Variants in MFHAS1 observed in about 807,000 individuals in gnomAD.
MFHAS1 encodes malignant fibrous histiocytoma-amplified sequence 1.
MFHAS1 carries 50 observed loss-of-function variants against 70.4 expected under a neutral mutation model. The ratio of observed to expected loss-of-function variants is 0.71; its 90% confidence interval spans 0.57 to 0.90. The LOEUF is 0.90. Among genes scored for constraint, MFHAS1 ranks in the 40% least tolerant of loss-of-function variants. The pLI is 0.00. For synonymous variants in MFHAS1, 952 were observed against 620.0 expected (o/e 1.54, Z -7.96); for missense variants, 1,795 against 1,347.6 (o/e 1.33, Z -5.20).
chr8:8,789,919 C>G (rs1805668500), intron 2 of MFHAS1, among the ~76,000 whole-genome samples: 1 of 152,102 alleles, frequency 6.6e-6, no homozygotes, highest in Non-Finnish European at 1.5e-5. Context: ...ACCTGCCTAC[C>G]CGGCCTTGCC....
chr8:8,870,944 G>A (rs1463258692), intron 1 of MFHAS1, among the ~76,000 whole-genome samples: 2 of 152,126 alleles, frequency 1.3e-5, no homozygotes, highest in African/African-American at 4.8e-5. Flanking sequence ...TTTGGTGACA[G>A]GAGCGTCACT....
intron 1 of MFHAS1, among the ~76,000 whole-genome samples, chr8:8,858,298 T>C (rs1485248869): frequency 6.6e-6 from 1 of 152,238 alleles, no homozygotes; most frequent in African/African-American, 2.4e-5. Flanking sequence ...ACATAAATTT[T>C]GCTTTTTTAA....
chr8:8,873,683 C>G (rs572583631), intron 1 of MFHAS1, among the ~76,000 whole-genome samples: 1 of 151,986 alleles, frequency 6.6e-6, no homozygotes, highest in African/African-American at 2.4e-5. Context: ...GTGTGGAACT[C>G]GAGAGGATGG....
intron 1 of MFHAS1, among the ~76,000 whole-genome samples, chr8:8,866,194 G>C (rs1338313043): frequency 6.6e-6 from 1 of 152,160 alleles, no homozygotes; most frequent in Admixed American, 6.5e-5. Flanking sequence ...AGTAAAATCA[G>C]TGTCATTTTG....
intron 1 of MFHAS1, among the ~76,000 whole-genome samples, chr8:8,877,316 A>AAAAAAAC (rs1809336391): frequency 6.6e-6 from 1 of 151,286 alleles, no homozygotes; most frequent in Non-Finnish European, 1.5e-5. Context: ...AAAAAAAAAA[A>AAAAAAAC]AAAACTACGG....
chr8:8,805,838 C>T (rs1806269641), intron 1 of MFHAS1, among the ~76,000 whole-genome samples: 1 of 152,154 alleles, frequency 6.6e-6, no homozygotes, highest in African/African-American at 2.4e-5. Flanking sequence ...GCTGGGATTA[C>T]AGGCGCGCAC....
At chr8:8,844,778 G>C (rs76402376) in intron 1 of MFHAS1, among the ~76,000 whole-genome samples, 6,886 of 152,262 alleles carry the variant, frequency 0.045, 236 homozygotes, top group South Asian at 0.14. Context: ...TCAACTCCTA[G>C]AGAGGAGGGG....
intron 1 of MFHAS1, among the ~76,000 whole-genome samples, chr8:8,856,867 G>C (rs965384486): frequency 6.8e-6 from 1 of 146,812 alleles, no homozygotes; most frequent in African/African-American, 2.5e-5. Context: ...ACAGGGCTTT[G>C]TTTATACACT....
At position 8,892,934 on chromosome 8, in the gene MFHAS1, C is replaced by G; in HGVS notation, c.125G>C (p.Gly42Ala). 2 of 1,548,288 alleles carry G rather than the reference C, an allele frequency of 1.3e-6. No individual in the cohort carries two copies. Among genetic ancestry groups the G allele is most frequent in the Admixed American group, 2.0e-5 (1 of 50,182 alleles). The part of the protein sequence containing the change: ...LTLTAAGACP[G>A]AGADALESPA... Reference sequence around the variant, plus strand: ...GGACTCGAGCGCGTCGGCCCCGGCCCCGGGGCAGGCCCCGGCGGCGGTAAG... The same window carrying G: ...GGACTCGAGCGCGTCGGCCCCGGCCGCGGGGCAGGCCCCGGCGGCGGTAAG... Residue 42 changes from glycine to alanine, a missense_variant, in exon 1 of 3, where the codon GGG (glycine) becomes GCG (alanine). Transcript: ENST00000276282. The surrounding 1 kb of genome is among the most constrained non-coding windows in gnomAD (Gnocchi z 4.7).
intron 1 of MFHAS1, among the ~76,000 whole-genome samples, chr8:8,833,026 C>T (rs1057204178): frequency 6.6e-6 from 1 of 152,138 alleles, no homozygotes; most frequent in Non-Finnish European, 1.5e-5. Flanking sequence ...CGAGCTTTTA[C>T]TCATCACAGA....
chr8:8,851,422 C>G (rs1156608295), intron 1 of MFHAS1, among the ~76,000 whole-genome samples: 1 of 152,120 alleles, frequency 6.6e-6, no homozygotes. Context: ...AATGCATGGA[C>G]AGGTTCAGGG....
intron 1 of MFHAS1, among the ~76,000 whole-genome samples, chr8:8,814,451 A>G (rs550728878): frequency 6.6e-6 from 1 of 152,308 alleles, no homozygotes; most frequent in South Asian, 2.1e-4. Context: ...TCATGTTCGC[A>G]CGATGACACA....
At chr8:8,831,205 T>A (rs1046430366) in intron 1 of MFHAS1, among the ~76,000 whole-genome samples, 4 of 151,936 alleles carry the variant, frequency 2.6e-5, no homozygotes, top group African/African-American at 7.3e-5. Flanking sequence ...ACCACCCTCA[T>A]GATCTCATTT....
rs754666627 is a variant in MFHAS1 at position 8,892,965 on chromosome 8, G to C, written c.94C>G (p.Leu32Val). 14 of 1,543,798 alleles carry C rather than the reference G, an allele frequency of 9.1e-6. No individual in the cohort carries two copies. Among genetic ancestry groups the C allele is most frequent in the Non-Finnish European group, 1.2e-5 (14 of 1,146,972 alleles). The change falls in exon 1 of 3, where the codon CTC (leucine) becomes GTC (valine). Residue 32 changes from leucine (L) to valine (V), a missense_variant. Coordinates refer to ENST00000276282, the MANE Select transcript of MFHAS1 (RefSeq NM_004225.3). This position sits in a 1 kb window ranked among gnomAD's most constrained non-coding sequence, Gnocchi z 4.7. Reference protein sequence around the residue: ...ARKLRSNLRQLTLTAAGACPG... With the variant: ...ARKLRSNLRQVTLTAAGACPG... ...CAGGCCCCGGCGGCGGTAAGCGTGA[G>C]CTGGCGCAGGTTGCTCCGCAGCTTC...
chr8:8,792,555 A>C (rs551980438), intron 2 of MFHAS1, among the ~76,000 whole-genome samples: 1 of 151,392 alleles, frequency 6.6e-6, no homozygotes, highest in South Asian at 2.1e-4. Flanking sequence ...GTGGTGAGCC[A>C]AGATCACGCC....
intron 1 of MFHAS1, among the ~76,000 whole-genome samples, chr8:8,855,023 T>A (rs1010863415): frequency 2.6e-5 from 4 of 152,222 alleles, no homozygotes; most frequent in Admixed American, 2.0e-4. Flanking sequence ...GATTCTCCCA[T>A]CTCAGCCTGT....
Position 8,891,189 on chromosome 8 carries a change from CG to C in MFHAS1, c.1869del (p.Val624CysfsTer58). 3 of 1,613,016 alleles carry C rather than the reference CG, an allele frequency of 1.9e-6. No homozygotes were observed. Among genetic ancestry groups the C allele is most frequent in the Non-Finnish European group, 2.5e-6 (3 of 1,180,024 alleles). ...LLNHRLQILS[P>X]VLPVSCRDPR... is the part of the protein sequence containing the mutation. The stretch of plus-strand genomic sequence containing the variant: ...GGGTCCCTGCAGCTAACAGGCAACA[CG>C]GGGGAGAGGATCTGCAGCCGGTGGT... On this transcript the variant is annotated frameshift_variant, in exon 1 of 3. Transcript: ENST00000276282. LOFTEE classifies it high-confidence loss of function. This position sits in a 1 kb window ranked among gnomAD's most constrained non-coding sequence, Gnocchi z 5.4.
chr8:8,787,195 C>T (rs779121117), intron 2 of MFHAS1, among the ~76,000 whole-genome samples: 1 of 152,026 alleles, frequency 6.6e-6, no homozygotes, highest in African/African-American at 2.4e-5. Flanking sequence ...ATTCTCCTGC[C>T]TCAGCCTCCC....
intron 1 of MFHAS1, among the ~76,000 whole-genome samples, chr8:8,818,538 C>A (rs948012507): frequency 2.6e-5 from 4 of 152,188 alleles, no homozygotes; most frequent in African/African-American, 9.7e-5. Context: ...GACTTAGCCT[C>A]CTGAGCCTCA....
Sources: allele counts gnomAD v4.1 joint callset (sites outside exome capture counted in the v4.1 genomes callset), GRCh38; gene constraint gnomAD v4.1.1; non-coding constraint Gnocchi (gnomAD v3.1); transcripts MANE v1.5; gene names NCBI Gene and HGNC (gene_info 2026-07-23, HGNC 2026-07-21).